ZNF407: variants seen among roughly 807,000 people sequenced by gnomAD.
ZNF407 encodes the protein zinc finger protein 407.
In ZNF407, 17 loss-of-function variants were observed where a neutral mutation model predicts 131.2. That is an observed-to-expected ratio of 0.13 (90% CI 0.09 to 0.19). The LOEUF (loss-of-function observed/expected upper bound fraction) is 0.19, where lower values mean the gene tolerates loss of function less well. Among genes scored for constraint, ZNF407 ranks in the 10% least tolerant of loss-of-function variants. The probability of loss-of-function intolerance (pLI) is 1.00; values close to 1 mark genes in which losing one functional copy is unlikely to be tolerated. For missense variants in ZNF407, 2,681 were observed against 2,830.6 expected (o/e 0.95, Z 1.20); for synonymous variants, 1,156 against 1,062.0 (o/e 1.09, Z -1.72).
At chr18:74,667,128 A>G (rs1985961270) in intron 3 of ZNF407, among the ~76,000 whole-genome samples, 1 of 151,972 alleles carries the variant, frequency 6.6e-6, no homozygotes, top group Non-Finnish European at 1.5e-5. Flanking sequence ...CTGTTTCTGC[A>G]CCCTCTACCT....
chr18:74,676,666 C>G (rs532379114), intron 3 of ZNF407, among the ~76,000 whole-genome samples: 4 of 151,944 alleles, frequency 2.6e-5, no homozygotes, highest in African/African-American at 9.7e-5. Context: ...GATCTCCTGA[C>G]CTCGTGATCT....
At chr18:74,872,808 C>T (rs1971106873) in intron 4 of ZNF407, among the ~76,000 whole-genome samples, 2 of 149,000 alleles carry the variant, frequency 1.3e-5, no homozygotes, top group Non-Finnish European at 3.0e-5. Context: ...ACTCCTCTTA[C>T]TGGTAAAAAA....
chr18:74,986,802 C>T (rs745881853), intron 8 of ZNF407, among the ~76,000 whole-genome samples: 3 of 152,086 alleles, frequency 2.0e-5, no homozygotes, highest in Non-Finnish European at 4.4e-5. Flanking sequence ...AAGAATATGC[C>T]GTATCCTGTA....
chr18:74,767,684 C>G (rs1268902868), intron 3 of ZNF407, among the ~76,000 whole-genome samples: 1 of 124,864 alleles, frequency 8.0e-6, no homozygotes, highest in Non-Finnish European at 1.6e-5. Context: ...GATGGAGTCT[C>G]GCTCTGTTGC....
Position 74,635,549 on chromosome 18 carries a change from G to A in ZNF407, c.4530G>A (p.Glu1510=). The part of the protein sequence containing the change: ...NLFLHIKGQH[E]ELLREVNKYI... ...TTTTACATATTAAAGGACAGCATGA[G>A]GAATTGCTGCGGGAGGTGAATAAGT... The change falls in exon 2 of 9, where the codon GAG becomes GAA. Residue 1510 remains glutamate, a synonymous_variant. Transcript: ENST00000299687. This position sits in a 1 kb window ranked among gnomAD's most constrained non-coding sequence, Gnocchi z 4.7. The A allele has an allele frequency of 1.9e-6, 3 of 1,613,740 alleles. No homozygotes were observed. Among genetic ancestry groups the A allele is most frequent in the Middle Eastern group, 1.6e-4 (1 of 6,062 alleles).
intron 4 of ZNF407, among the ~76,000 whole-genome samples, chr18:74,831,866 G>T (rs181636822): frequency 6.6e-6 from 1 of 152,082 alleles, no homozygotes; most frequent in Admixed American, 6.5e-5. Context: ...TGCTCCTGAC[G>T]CCCTTTACCT....
intron 1 of ZNF407, among the ~76,000 whole-genome samples, chr18:74,599,026 C>T (rs938363627): frequency 1.3e-5 from 2 of 152,168 alleles, no homozygotes; most frequent in African/African-American, 4.8e-5. Context: ...TAGTATGTAT[C>T]TGTTTTGTGG....
intron 4 of ZNF407, among the ~76,000 whole-genome samples, chr18:74,850,321 C>T (rs1970763771): frequency 8.4e-6 from 1 of 119,064 alleles, no homozygotes; most frequent in African/African-American, 2.6e-5. Context: ...CCTCTTCTTT[C>T]CTTTGATTTG....
At chr18:74,935,249 T>G (rs1437202505) in intron 8 of ZNF407, among the ~76,000 whole-genome samples, 1 of 152,222 alleles carries the variant, frequency 6.6e-6, no homozygotes, top group Admixed American at 6.5e-5. Context: ...GCTTTATTAT[T>G]TTAAAACACA....
intron 8 of ZNF407, among the ~76,000 whole-genome samples, chr18:75,034,919 T>C (rs533210318): frequency 4.2e-4 from 64 of 152,206 alleles, no homozygotes; most frequent in Non-Finnish European, 8.2e-4. Flanking sequence ...TTCATAACTC[T>C]AGGTAAACAG....
intron 8 of ZNF407, among the ~76,000 whole-genome samples, chr18:75,031,364 T>TA (rs1973237925): frequency 6.6e-6 from 1 of 152,358 alleles, no homozygotes; most frequent in Middle Eastern, 3.4e-3. Flanking sequence ...ACTAATCCTA[T>TA]ACTGGTTCTG....
intron 8 of ZNF407, among the ~76,000 whole-genome samples, chr18:75,014,719 A>T (rs1291841701): frequency 6.6e-6 from 1 of 152,082 alleles, no homozygotes; most frequent in Admixed American, 6.6e-5. Context: ...TTGATATTTC[A>T]AGTACATTTA....
chr18:74,807,474 G>T (rs1210491879), intron 4 of ZNF407, among the ~76,000 whole-genome samples: 1 of 152,190 alleles, frequency 6.6e-6, no homozygotes, highest in African/African-American at 2.4e-5. Context: ...TTATGCTATA[G>T]TATGGTGCTC....
At position 74,920,653 on chromosome 18, in the gene ZNF407, C is replaced by T; in HGVS notation, c.5389C>T (p.Pro1797Ser). The change falls in exon 8 of 9, where the codon CCT (proline) becomes TCT (serine). Residue 1797 changes from proline to serine, a missense_variant. Physicochemically the swap from Pro to Ser is moderately conservative, Grantham distance 74. Coordinates refer to ENST00000299687, the MANE Select transcript of ZNF407 (RefSeq NM_017757.3). ...EFRNHLKEQH[P>S]DIENPDLAYL... ...CCGGAACCATTTGAAGGAACAGCAT[C>T]CTGACATCGAAAACCCGGACCTCGC... 1 of 1,609,802 alleles carries T rather than the reference C, an allele frequency of 6.2e-7. No homozygotes were observed. Among genetic ancestry groups the T allele is most frequent in the South Asian group, 1.1e-5 (1 of 90,820 alleles).
intron 3 of ZNF407, among the ~76,000 whole-genome samples, chr18:74,723,244 G>A (rs891523149): frequency 2.0e-5 from 3 of 152,132 alleles, no homozygotes; most frequent in Non-Finnish European, 4.4e-5. Context: ...TAGCATAATA[G>A]TGGCTCTGAA....
intron 4 of ZNF407, chr18:74,803,828 A>T: frequency 1.1e-6 from 1 of 870,068 alleles, no homozygotes; most frequent in Non-Finnish European, 1.7e-6. Context: ...TGTGGTTTTT[A>T]TCAATATTAA....
At chr18:74,918,249 G>A (rs552268311) in intron 7 of ZNF407, among the ~76,000 whole-genome samples, 1 of 152,274 alleles carries the variant, frequency 6.6e-6, no homozygotes, top group Non-Finnish European at 1.5e-5. Context: ...GGGAAAGCTG[G>A]CTGTGGTGTA....
At chr18:74,721,951 T>C (rs1490777433) in intron 3 of ZNF407, among the ~76,000 whole-genome samples, 1 of 152,166 alleles carries the variant, frequency 6.6e-6, no homozygotes, top group African/African-American at 2.4e-5. Context: ...TTCCATTGTT[T>C]GTCATAAATC....
intron 8 of ZNF407, among the ~76,000 whole-genome samples, chr18:74,957,729 G>A (rs1217595951): frequency 6.6e-6 from 1 of 152,096 alleles, no homozygotes; most frequent in Non-Finnish European, 1.5e-5. Context: ...ACTGGGCGGG[G>A]ATTTTAAAAC....
Sources: allele counts gnomAD v4.1 joint callset (sites outside exome capture counted in the v4.1 genomes callset), GRCh38; gene constraint gnomAD v4.1.1; non-coding constraint Gnocchi (gnomAD v3.1); transcripts MANE v1.5; gene names NCBI Gene and HGNC (gene_info 2026-07-23, HGNC 2026-07-21).